Variants in RELN observed in about 807,000 individuals in gnomAD.
The protein encoded by RELN is reelin.
A neutral mutation model predicts 427.6 loss-of-function variants in RELN; 108 were observed. That is an observed-to-expected ratio of 0.25 (90% CI 0.22 to 0.30). RELN has a LOEUF of 0.30. RELN is among the 10% of genes least tolerant of loss of function. RELN has a pLI of 1.00. For missense variants in RELN, 3,715 were observed against 4,302.8 expected, an observed-to-expected ratio of 0.86 and a Z score of 3.82; for synonymous variants, 1,524 against 1,513.4, an observed-to-expected ratio of 1.01 and a Z score of -0.16.
chr7:103,713,304 G>C (rs903133717), intron 8 of RELN, among the ~76,000 whole-genome samples: 1 of 152,160 alleles, frequency 6.6e-6, no homozygotes, highest in Non-Finnish European at 1.5e-5. Context: ...GGTATAGAAA[G>C]ATCATAAAGT....
intron 1 of RELN, among the ~76,000 whole-genome samples, chr7:103,987,886 G>A (rs1797135696): frequency 6.6e-6 from 1 of 152,172 alleles, no homozygotes; most frequent in African/African-American, 2.4e-5. Flanking sequence ...AGTTGTAAAA[G>A]CACTGTTTAA....
At chr7:103,476,772 C>T in intron 64 of RELN, 1 of 358,684 alleles carries the variant, frequency 2.8e-6, no homozygotes. Context: ...TAACATTTAT[C>T]TTATATTTAC....
chr7:103,824,256 C>A lies in RELN; in HGVS notation c.473+9281G>T, dbSNP rs935869867. On this transcript the variant is annotated intron_variant, in intron 3 of 64. Transcript: ENST00000428762. The surrounding 1 kb of genome is among the most constrained non-coding windows in gnomAD (Gnocchi z 4.4). ...TAAAACTTCAATTAGATGTTAATTTCTTCACTTGGAGTTCTGCACAGATTA... is the reference window on the plus strand; with the variant it reads ...TAAAACTTCAATTAGATGTTAATTTATTCACTTGGAGTTCTGCACAGATTA... 1.3e-5 allele frequency among the ~76,000 whole-genome samples: 2 copies of A among 152,034 alleles called. No homozygotes were observed. The highest frequency in any genetic ancestry group is 4.8e-5 in the African/African-American group (2 of 41,396).
intron 5 of RELN, among the ~76,000 whole-genome samples, chr7:103,752,737 G>T (rs796380547): frequency 1.3e-5 from 2 of 152,268 alleles, no homozygotes; most frequent in African/African-American, 4.8e-5. Flanking sequence ...TTAAAGAAAT[G>T]ACAAAATAAT....
chr7:103,544,243 TTTTTTTTTTTTTTGA>T (rs1830238333), intron 42 of RELN, among the ~76,000 whole-genome samples: 1 of 56,926 alleles, frequency 1.8e-5, no homozygotes, highest in African/African-American at 5.4e-5. Flanking sequence ...TTTTTTTTTT[TTTTTTTTTTTTTTGA>T]GATGGAGTCT....
rs571426937 is a variant in RELN, at chr7:103,877,427, C to G, written c.337+39648G>C. On this transcript the variant is annotated intron_variant, in intron 2 of 64. Coordinates refer to ENST00000428762, the MANE Select transcript of RELN (RefSeq NM_005045.4). ...TGAGCCTTACTTTTGACCCTTGACT[C>G]TCCTTCAACTCCAGCTTCCAAAATT... Among the ~76,000 whole-genome samples, 5 of 152,200 alleles carry G rather than the reference C, an allele frequency of 3.3e-5. No homozygotes were observed. The East Asian group carries it at 9.7e-4, about 30-fold the overall frequency.
chr7:103,521,182 T>C (rs913057316), intron 48 of RELN, among the ~76,000 whole-genome samples: 1 of 151,002 alleles, frequency 6.6e-6, no homozygotes, highest in East Asian at 1.9e-4. Context: ...GGTTTCACCT[T>C]GTTAGCCAGG....
chr7:103,500,135 A>G (rs891257756), intron 53 of RELN, among the ~76,000 whole-genome samples: 3 of 152,198 alleles, frequency 2.0e-5, no homozygotes, highest in African/African-American at 7.2e-5. Context: ...CAAATGCACT[A>G]TGTTTATTCA....
At position 103,652,722 on chromosome 7, in the gene RELN, AG is replaced by A; in HGVS notation, c.1591del (p.Leu531PhefsTer25). 1 of 1,612,834 alleles carries A rather than the reference AG, an allele frequency of 6.2e-7. No individual in the cohort carries two copies. The highest frequency in any genetic ancestry group is 8.5e-7 in the Non-Finnish European group (1 of 1,179,204). ...SLVSVVINPELQTPATKFCLR... is the reference protein window; with the variant it reads ...SLVSVVINPEXQTPATKFCLR... ...ACAAAATTTGGTAGCAGGAGTCTGAAGTTCAGGATTGATGACCACAGAAACC... is the reference window on the plus strand; with the variant it reads ...ACAAAATTTGGTAGCAGGAGTCTGAATTCAGGATTGATGACCACAGAAACC... On this transcript the variant is annotated frameshift_variant, in exon 14 of 65. Transcript: ENST00000428762. LOFTEE classifies it high-confidence loss of function.
intron 3 of RELN, among the ~76,000 whole-genome samples, chr7:103,794,559 GCAGA>G (rs1382232316): frequency 6.6e-6 from 1 of 152,112 alleles, no homozygotes; most frequent in Admixed American, 6.6e-5. Flanking sequence ...ACAAAAACAG[GCAGA>G]AAGAATAATT....
chr7:103,708,490 G>A (rs1479430955), intron 8 of RELN, among the ~76,000 whole-genome samples: 1 of 64,432 alleles, frequency 1.6e-5, no homozygotes, highest in Non-Finnish European at 2.7e-5. Context: ...TTGAGACGGA[G>A]TCTTGCTGTG....
At chr7:103,733,337 A>C (rs1226053518) in intron 6 of RELN, among the ~76,000 whole-genome samples, 2 of 147,886 alleles carry the variant, frequency 1.4e-5, no homozygotes, top group South Asian at 2.2e-4. Flanking sequence ...TTTACACTGT[A>C]GGTGGGACTG....
chr7:103,907,648 G>A (rs559832067), intron 2 of RELN, among the ~76,000 whole-genome samples: 3 of 151,698 alleles, frequency 2.0e-5, no homozygotes, highest in African/African-American at 7.2e-5. Flanking sequence ...GTACAATCTT[G>A]TGAATATACT....
intron 2 of RELN, among the ~76,000 whole-genome samples, chr7:103,877,536 C>G (rs912745201): frequency 3.9e-5 from 6 of 152,150 alleles, no homozygotes; most frequent in African/African-American, 1.2e-4. Flanking sequence ...GCTCTTCTTT[C>G]TTTCCTGGAT....
intron 10 of RELN, among the ~76,000 whole-genome samples, chr7:103,695,568 A>C (rs722613): frequency 0.67 from 102,175 of 151,880 alleles, 34,767 homozygotes; most frequent in East Asian, 0.76. Context: ...ATGGGTGGTA[A>C]CAAAGTACAT....
At chr7:103,654,753 A>C (rs902735643) in intron 12 of RELN, among the ~76,000 whole-genome samples, 2 of 152,078 alleles carry the variant, frequency 1.3e-5, no homozygotes, top group Non-Finnish European at 2.9e-5. Flanking sequence ...TGATTGTTAG[A>C]AGGTACATAG....
At chr7:103,806,662 C>T (rs927285769) in intron 3 of RELN, among the ~76,000 whole-genome samples, 12 of 152,000 alleles carry the variant, frequency 7.9e-5, no homozygotes, top group African/African-American at 2.7e-4. Context: ...TTTATCTCTC[C>T]CACATTCTAA....
intron 8 of RELN, among the ~76,000 whole-genome samples, chr7:103,720,945 T>C (rs1380553100): frequency 1.3e-5 from 2 of 152,172 alleles, no homozygotes; most frequent in Admixed American, 6.5e-5. Flanking sequence ...ATACAACAGA[T>C]GGTTTGCTAC....
At chr7:103,910,551 C>A (rs1795342015) in intron 2 of RELN, among the ~76,000 whole-genome samples, 1 of 148,538 alleles carries the variant, frequency 6.7e-6, no homozygotes, top group Non-Finnish European at 1.5e-5. Context: ...CCAAGTCAAT[C>A]CTAAGCCAAA....
Sources: gnomAD v4.1 joint callset for allele counts (sites outside exome capture counted in the v4.1 genomes callset) on GRCh38, gnomAD v4.1.1 for gene constraint, Gnocchi (gnomAD v3.1) non-coding constraint, MANE v1.5 for transcripts, NCBI Gene and HGNC (gene_info 2026-07-23, HGNC 2026-07-21) for gene names.